The following MACF1 variants were observed in gnomAD, a reference collection of about 807,000 sequenced individuals.
The protein encoded by MACF1 is microtubule-actin cross-linking factor 1.
Under a neutral mutation model 854.8 loss-of-function variants are expected in MACF1, and 193 were observed. That is an observed-to-expected ratio of 0.23 (90% CI 0.20 to 0.25). MACF1 has a LOEUF of 0.25. Ranked by LOEUF, MACF1 falls within the 10% of genes least tolerant of loss-of-function variation. The pLI, the probability that MACF1 is intolerant of heterozygous loss-of-function variation, is 1.00. For missense variants in MACF1, 7,722 were observed against 8,929.1 expected, an observed-to-expected ratio of 0.86 and a Z score of 5.45; for synonymous variants, 3,185 against 3,226.7, an observed-to-expected ratio of 0.99 and a Z score of 0.44.
rs546614367 is a variant in MACF1 at position 39,336,080 on chromosome 1, A to C, written c.9492A>C (p.Ser3164=). ...AGGAAACCAAACATCAAATTTCCTC[A>C]TCTAATGAATGTAAAGAAAAGTCAT... The part of the protein sequence containing the change: ...KTKETKHQIS[S]SNECKEKSYQ... The change falls in exon 37 of 101, where the codon TCA becomes TCC. Residue 3164 remains serine, a synonymous_variant. Coordinates refer to ENST00000564288, the MANE Select transcript of MACF1 (RefSeq NM_001394062.1). 66 of 1,613,878 alleles carry C rather than the reference A, an allele frequency of 4.1e-5. No homozygotes were observed. The highest frequency in any genetic ancestry group is 5.5e-5 in the Non-Finnish European group (65 of 1,180,008).
chr1:39,409,051 G>A lies in MACF1; in HGVS notation c.15817-13323G>A, dbSNP rs1286312344. Among the ~76,000 whole-genome samples the A allele has an allele frequency of 6.6e-6, 1 of 151,974 alleles. No homozygotes were observed. Among genetic ancestry groups the A allele is most frequent in the Non-Finnish European group, 1.5e-5 (1 of 67,934 alleles). ...CGCAGCGCGGCGGCGCGGGGAAGGG[G>A]GAGGAGAGCCGCCCGCCAGCCGAGC... On this transcript the variant is annotated intron_variant, in intron 58 of 100. Transcript: ENST00000564288. The surrounding 1 kb of genome is among the most constrained non-coding windows in gnomAD (Gnocchi z 4.2).
At chr1:39,210,838 A>G (rs536213340) in intron 1 of MACF1, among the ~76,000 whole-genome samples, 1 of 152,114 alleles carries the variant, frequency 6.6e-6, no homozygotes, top group Non-Finnish European at 1.5e-5. Flanking sequence ...ACATTAGTTT[A>G]TCTGGGCCTC....
intron 2 of MACF1, among the ~76,000 whole-genome samples, chr1:39,106,422 T>C (rs888095101): frequency 6.6e-6 from 1 of 152,058 alleles, no homozygotes; most frequent in African/African-American, 2.4e-5. Context: ...GCGCCTTGGG[T>C]GTATGGGGAG....
At chr1:39,364,853 T>G (rs1648551618) in intron 49 of MACF1, among the ~76,000 whole-genome samples, 2 of 152,196 alleles carry the variant, frequency 1.3e-5, no homozygotes, top group African/African-American at 4.8e-5. Context: ...AATATGTATT[T>G]TTAGTCATAG....
chr1:39,267,493 A>G (rs1645247474), intron 6 of MACF1, among the ~76,000 whole-genome samples: 1 of 152,228 alleles, frequency 6.6e-6, no homozygotes, highest in Non-Finnish European at 1.5e-5. Flanking sequence ...GGCCTTCTAG[A>G]GTACTAGGAT....
Position 39,091,501 on chromosome 1 carries a change from A to T in MACF1, c.220+7063A>T, listed in dbSNP as rs373047842. 2.8e-4 allele frequency among the ~76,000 whole-genome samples: 42 copies of T among 152,108 alleles called. No homozygotes were observed. The East Asian group carries it at 8.1e-3, about 29-fold the overall frequency. On this transcript the variant is annotated intron_variant, in intron 2 of 93. Transcript: ENST00000361689. ...GTACCTGCTATATATTCAGCCCTTG[A>T]TAATTTTTTTTTTGAGACAGAGTCT...
intron 2 of MACF1, among the ~76,000 whole-genome samples, chr1:39,153,624 T>A (rs2148199045): frequency 6.6e-6 from 1 of 152,302 alleles, no homozygotes; most frequent in African/African-American, 2.4e-5. Flanking sequence ...GGCCACAGGG[T>A]GAGCAGAGCT....
In MACF1 at chr1:39,429,230, C is replaced by A; in HGVS notation, c.16804-12C>A. Reference sequence around the variant, plus strand: ...CCACAGTTTCAGGATTAATGGTATTCTTTCCTTTCAGGCTTTAAATGAAGA... The same window carrying A: ...CCACAGTTTCAGGATTAATGGTATTATTTCCTTTCAGGCTTTAAATGAAGA... On this transcript the variant is annotated splice_polypyrimidine_tract_variant and intron_variant, in intron 63 of 100. Coordinates refer to ENST00000564288, the MANE Select transcript of MACF1 (RefSeq NM_001394062.1). 7.3e-7 allele frequency: 1 copy of A among 1,377,512 alleles called. No individual in the cohort carries two copies. The highest frequency in any genetic ancestry group is 1.0e-6 in the Non-Finnish European group (1 of 968,782). The allele number at this position is 1,377,512 out of a possible 1,614,324, so 85.3% of individuals were successfully genotyped here.
At chr1:39,212,716 G>T (rs116705867) in intron 1 of MACF1, among the ~76,000 whole-genome samples, 2,540 of 152,266 alleles carry the variant, frequency 0.017, 76 homozygotes, top group African/African-American at 0.058. Flanking sequence ...TCTGCCTCTG[G>T]AGTTCAAGTG....
chr1:39,242,662 G>A (rs940796260), intron 2 of MACF1, among the ~76,000 whole-genome samples: 6 of 151,028 alleles, frequency 4.0e-5, no homozygotes, highest in Non-Finnish European at 8.8e-5. Context: ...CTGAGCCCAG[G>A]AAGTCGAGGC....
intron 2 of MACF1, among the ~76,000 whole-genome samples, chr1:39,159,231 CT>C (rs1458813550): frequency 5.3e-5 from 8 of 152,216 alleles, no homozygotes; most frequent in Non-Finnish European, 1.0e-4. Flanking sequence ...CAGCAACAGC[CT>C]GTTGTCTTGC....
chr1:39,173,338 CA>C (rs10636583), intron 2 of MACF1, among the ~76,000 whole-genome samples: 1,746 of 100,974 alleles, frequency 0.017, 34 homozygotes, highest in African/African-American at 0.067. Context: ...GACTCCATCT[CA>C]AAAAAAAAAA....
chr1:39,440,289 A>G (rs1393648828), intron 72 of MACF1, among the ~76,000 whole-genome samples: 2 of 151,144 alleles, frequency 1.3e-5, no homozygotes, highest in African/African-American at 2.4e-5. Flanking sequence ...TATGTTTTAT[A>G]GAGATGGGGT....
intron 1 of MACF1, among the ~76,000 whole-genome samples, chr1:39,211,019 T>C (rs1458104149): frequency 6.7e-6 from 1 of 149,412 alleles, no homozygotes; most frequent in East Asian, 2.0e-4. Flanking sequence ...CAGGCTGGAG[T>C]GCAGTGGCAT....
At position 39,283,413 on chromosome 1, in the gene MACF1, G is replaced by T; in HGVS notation, c.813G>T (p.Val271=). 1 of 1,606,932 alleles carries T rather than the reference G, an allele frequency of 6.2e-7. No homozygotes were observed. Among genetic ancestry groups the T allele is most frequent in the Non-Finnish European group, 8.5e-7 (1 of 1,173,510 alleles). ...GVTRLLDAED[V]DVPSPDEKSV... ...TTCTTGTCCATTCTCTCTCAGATGTGGATGTGCCATCTCCAGATGAAAAGT... is the reference window on the plus strand; with the variant it reads ...TTCTTGTCCATTCTCTCTCAGATGTTGATGTGCCATCTCCAGATGAAAAGT... The change falls in exon 9 of 101, where the codon GTG becomes GTT. Residue 271 remains valine (V), a synonymous_variant. Transcript: ENST00000564288. This position sits in a 1 kb window ranked among gnomAD's most constrained non-coding sequence, Gnocchi z 4.5.
At position 39,334,481 on chromosome 1, in the gene MACF1, A is replaced by G. The variant is rs148039342; in HGVS notation, c.7893A>G (p.Glu2631=). ...ACTGCAGAATTGTCCCCTACTCAGA[A>G]TTAGTCAAGAAATGTAAGATTGATA... ...PENCRIVPYS[E]LVKKCKIDIE... is the part of the protein sequence containing the mutation. Residue 2631 remains glutamate, a synonymous_variant, in exon 37 of 101, where the codon GAA becomes GAG. Transcript: ENST00000564288. 6.1e-5 allele frequency: 98 copies of G among 1,614,056 alleles called. No homozygotes were observed. The highest frequency in any genetic ancestry group is 6.7e-5 in the East Asian group (3 of 44,894).
chr1:39,349,400 T>C (rs574669917), intron 41 of MACF1, 78 bp from the exon 42 acceptor site: 3 of 1,442,650 alleles, frequency 2.1e-6, no homozygotes, highest in South Asian at 2.7e-5. Flanking sequence ...ACCTTCCTGT[T>C]TTACATTTCA....
chr1:39,477,223 T>C (rs1044388936), intron 97 of MACF1, among the ~76,000 whole-genome samples: 5 of 149,450 alleles, frequency 3.3e-5, no homozygotes, highest in African/African-American at 1.2e-4. Flanking sequence ...TAAGCGACTT[T>C]TGTTGTTGTT....
chr1:39,090,999 G>A (rs1239364949), intron 2 of MACF1, among the ~76,000 whole-genome samples: 3 of 63,288 alleles, frequency 4.7e-5, no homozygotes, highest in African/African-American at 1.5e-4. Context: ...TGAAAGCCCT[G>A]TCTTGGCTTT....
Sources: allele counts gnomAD v4.1 joint callset (sites outside exome capture counted in the v4.1 genomes callset), GRCh38; gene constraint gnomAD v4.1.1; non-coding constraint Gnocchi (gnomAD v3.1); transcripts MANE v1.5; gene names NCBI Gene and HGNC (gene_info 2026-07-23, HGNC 2026-07-21).